The following STXBP4 variants were observed in gnomAD, a reference collection of about 807,000 sequenced individuals.
STXBP4 encodes the protein syntaxin binding protein 4.
STXBP4 carries 55 observed loss-of-function variants against 76.1 expected under a neutral mutation model. That is an observed-to-expected ratio of 0.72 (90% CI 0.58 to 0.91). The LOEUF (loss-of-function observed/expected upper bound fraction) is 0.91. Ranked by LOEUF, STXBP4 falls within the 40% of genes least tolerant of loss-of-function variation. The probability of loss-of-function intolerance (pLI) is 0.00; values close to 1 mark genes in which losing one functional copy is unlikely to be tolerated. For synonymous variants in STXBP4, 201 were observed against 220.2 expected, an observed-to-expected ratio of 0.91 and a Z score of 0.77; for missense variants, 618 against 636.9, an observed-to-expected ratio of 0.97 and a Z score of 0.32.
At chr17:55,154,917 T>C (rs2080260158) in intron 17 of STXBP4, among the ~76,000 whole-genome samples, 1 of 152,048 alleles carries the variant, frequency 6.6e-6, no homozygotes, top group African/African-American at 2.4e-5. Flanking sequence ...TAACAGAAAT[T>C]ACCATAAATA....
chr17:55,009,147 A>G (rs1291207780), intron 8 of STXBP4, among the ~76,000 whole-genome samples: 3 of 152,146 alleles, frequency 2.0e-5, no homozygotes, highest in South Asian at 2.1e-4. Flanking sequence ...AAATTTTCCA[A>G]TTAATTAGAT....
intron 8 of STXBP4, 55 bp downstream of exon 8, chr17:55,007,652 A>G: frequency 1.4e-6 from 2 of 1,392,322 alleles, no homozygotes; most frequent in Non-Finnish European, 2.0e-6. Flanking sequence ...GGAAAGAAGT[A>G]TTCTCCTTCT....
intron 16 of STXBP4, among the ~76,000 whole-genome samples, chr17:55,115,080 A>G (rs574993580): frequency 6.6e-6 from 1 of 152,034 alleles, no homozygotes; most frequent in Admixed American, 6.6e-5. Context: ...TAAGGTGCCG[A>G]TAAGGTTCTG....
intron 12 of STXBP4, among the ~76,000 whole-genome samples, chr17:55,068,887 T>C (rs2079085987): frequency 6.6e-6 from 1 of 152,122 alleles, no homozygotes; most frequent in South Asian, 2.1e-4. Context: ...GTTTTTTCAT[T>C]CTAGATCATG....
intron 16 of STXBP4, among the ~76,000 whole-genome samples, chr17:55,139,135 C>T (rs1373738078): frequency 5.3e-5 from 8 of 151,938 alleles, no homozygotes; most frequent in South Asian, 2.1e-4. Context: ...TGAATTAGTA[C>T]CTTTATAAGT....
chr17:55,037,765 A>G (rs1363413226), intron 10 of STXBP4, among the ~76,000 whole-genome samples: 1 of 152,172 alleles, frequency 6.6e-6, no homozygotes, highest in African/African-American at 2.4e-5. Context: ...TACCTTTTCT[A>G]TGTACATTGC....
At chr17:55,194,532 A>T in the STXBP4 span, among the ~76,000 whole-genome samples, 9 of 152,176 alleles carry the variant, frequency 5.9e-5, no homozygotes, top group Non-Finnish European at 7.4e-5. Context: ...TCTAAATATG[A>T]TTACATGCAA....
chr17:55,079,521 G>A (rs1480462092), intron 15 of STXBP4, among the ~76,000 whole-genome samples: 1 of 151,734 alleles, frequency 6.6e-6, no homozygotes, highest in Non-Finnish European at 1.5e-5. Flanking sequence ...ATTTTGGGAG[G>A]CTGAGGCAGG....
intron 17 of STXBP4, among the ~76,000 whole-genome samples, chr17:55,154,389 A>G (rs2080253945): frequency 6.6e-6 from 1 of 152,246 alleles, no homozygotes; most frequent in South Asian, 2.1e-4. Context: ...GGAATGGAGA[A>G]CATAAATTTT....
At chr17:55,020,637 G>A (rs2078293518) in intron 8 of STXBP4, among the ~76,000 whole-genome samples, 1 of 152,078 alleles carries the variant, frequency 6.6e-6, no homozygotes, top group East Asian at 1.9e-4. Flanking sequence ...GGCCAACATG[G>A]TGAAGCACTG....
intron 16 of STXBP4, among the ~76,000 whole-genome samples, chr17:55,097,045 T>A (rs1370028678): frequency 6.6e-6 from 1 of 152,212 alleles, no homozygotes; most frequent in Non-Finnish European, 1.5e-5. Flanking sequence ...AACAACTGAA[T>A]CTTTAATATT....
chr17:55,000,970 G>A, intron 7 of STXBP4, 87 bp downstream of exon 7: 1 of 877,710 alleles, frequency 1.1e-6, no homozygotes, highest in Non-Finnish European at 1.8e-6. Flanking sequence ...AGACTTTGAA[G>A]AAGGGTGAAT....
intron 6 of STXBP4, 80 bp downstream of exon 6, chr17:54,999,922 T>C (rs1357179831): frequency 1.1e-5 from 10 of 937,554 alleles, no homozygotes; most frequent in Non-Finnish European, 1.6e-5. Flanking sequence ...TATGTACATA[T>C]AGAATTATTT....
At chr17:55,022,642 G>A (rs574688569) in intron 8 of STXBP4, among the ~76,000 whole-genome samples, 2 of 152,240 alleles carry the variant, frequency 1.3e-5, no homozygotes, top group Admixed American at 6.5e-5. Context: ...TGATAGTCAC[G>A]GAAGAGCTGT....
At chr17:55,177,186 C>T (rs748958190), downstream of STXBP4, among the ~76,000 whole-genome samples, 8 of 152,028 alleles carry the variant, frequency 5.3e-5, no homozygotes, top group Non-Finnish European at 8.8e-5. Context: ...TCTGGAGAAC[C>T]CTGACTGAAA....
chr17:55,192,186 G>A, the STXBP4 span, among the ~76,000 whole-genome samples: 1 of 152,100 alleles, frequency 6.6e-6, no homozygotes, highest in South Asian at 2.1e-4. Context: ...AAGACAAAGG[G>A]ACTAAATGTA....
the STXBP4 span, among the ~76,000 whole-genome samples, chr17:55,203,348 C>T: frequency 1.3e-5 from 2 of 152,060 alleles, no homozygotes; most frequent in Admixed American, 6.6e-5. Context: ...CTTTTCCACC[C>T]TCTTTATGAA....
Position 54,982,573 on chromosome 17 carries a change from T to G in STXBP4, c.-156-3041T>G, listed in dbSNP as rs2077564908. Among the ~76,000 whole-genome samples the G allele has an allele frequency of 2.7e-5, 4 of 148,878 alleles. No homozygotes were observed. The South Asian group carries it at 6.5e-4, about 24-fold the overall frequency. The stretch of plus-strand genomic sequence containing the variant: ...GTTTTCCTTCTGTGTTATTTATTAA[T>G]TATGGGAACTTGAGGGTGGTTTGTG... On this transcript the variant is annotated intron_variant, in intron 1 of 17. Coordinates refer to ENST00000376352, the MANE Select transcript of STXBP4 (RefSeq NM_178509.6).
At chr17:55,142,927 A>G (rs906330280) in intron 17 of STXBP4, among the ~76,000 whole-genome samples, 1 of 152,180 alleles carries the variant, frequency 6.6e-6, no homozygotes, top group Admixed American at 6.5e-5. Flanking sequence ...GGGGCTCTCT[A>G]GCATGCAGGA....
Sources: allele counts gnomAD v4.1 joint callset (sites outside exome capture counted in the v4.1 genomes callset), GRCh38; gene constraint gnomAD v4.1.1; transcripts MANE v1.5; gene names NCBI Gene and HGNC (gene_info 2026-07-23, HGNC 2026-07-21).